CTNNA2: variants seen among roughly 807,000 people sequenced by gnomAD.
CTNNA2 encodes catenin alpha-2.
In CTNNA2, 42 loss-of-function variants were observed where a neutral mutation model predicts 101.0. The ratio of observed to expected loss-of-function variants is 0.42; its 90% confidence interval spans 0.32 to 0.54. CTNNA2 has a LOEUF of 0.54. Ranked by LOEUF, CTNNA2 falls within the 20% of genes least tolerant of loss-of-function variation. The probability of loss-of-function intolerance (pLI) is 0.14; values close to 1 mark genes in which losing one functional copy is unlikely to be tolerated. For synonymous variants in CTNNA2, 450 were observed against 456.4 expected (o/e 0.99, Z 0.18); for missense variants, 871 against 1,223.1 (o/e 0.71, Z 4.29).
chr2:79,969,037 G>C (rs60422287), intron 7 of CTNNA2, among the ~76,000 whole-genome samples: 1,608 of 152,222 alleles, frequency 0.011, 24 homozygotes, highest in African/African-American at 0.037. Flanking sequence ...AGGGTAAGCA[G>C]TTTGTCTGTG....
chr2:79,275,685 A>G (rs943920140), intron 2 of CTNNA2, among the ~76,000 whole-genome samples: 6 of 152,080 alleles, frequency 3.9e-5, no homozygotes, highest in African/African-American at 1.4e-4. Flanking sequence ...TCAAGGTTTC[A>G]TTTGTTGTTT....
rs192698550 is a variant in CTNNA2, at chr2:80,156,057, T to A, written c.1057-237154T>A. Among the ~76,000 whole-genome samples the A allele has an allele frequency of 1.4e-3, 215 of 152,280 alleles. 1 individual carries two copies. Among genetic ancestry groups the A allele is most frequent in the Non-Finnish European group, 2.7e-3 (181 of 68,024 alleles). On this transcript the variant is annotated intron_variant, in intron 7 of 18. Coordinates refer to ENST00000402739, the MANE Select transcript of CTNNA2 (RefSeq NM_001282597.3). ...GTAGGGTGAGACTGAGATTCTACAT[T>A]TCTAACAAGCTCCAAGGTGATGTGG...
chr2:79,745,140 T>A (rs1322499188), intron 3 of CTNNA2, among the ~76,000 whole-genome samples: 2 of 152,138 alleles, frequency 1.3e-5, no homozygotes, highest in East Asian at 3.9e-4. Flanking sequence ...AACATAAAGT[T>A]CTAACTACGG....
chr2:79,421,551 C>A (rs1450761844), intron 4 of CTNNA2, among the ~76,000 whole-genome samples: 1 of 152,100 alleles, frequency 6.6e-6, no homozygotes, highest in Non-Finnish European at 1.5e-5. Flanking sequence ...ATGGCTAATA[C>A]CTTGATGACC....
At chr2:80,063,756 G>A (rs1697774461) in intron 7 of CTNNA2, among the ~76,000 whole-genome samples, 1 of 152,194 alleles carries the variant, frequency 6.6e-6, no homozygotes, top group Non-Finnish European at 1.5e-5. Context: ...TTTTATTCTT[G>A]TTTCTCTTGA....
intron 1 of CTNNA2, among the ~76,000 whole-genome samples, chr2:79,531,363 A>C (rs1672733398): frequency 6.6e-6 from 1 of 151,842 alleles, no homozygotes; most frequent in Admixed American, 6.6e-5. Context: ...TCTTACTTTG[A>C]ATAACAGTGT....
At position 79,355,866 on chromosome 2, in the gene CTNNA2, C is replaced by A. The variant is rs544962716; in HGVS notation, c.-317-17965C>A. Among the ~76,000 whole-genome samples the A allele has an allele frequency of 7.9e-5, 12 of 152,122 alleles. No individual in the cohort carries two copies. In the South Asian group the frequency reaches 2.5e-3, roughly 32 times the overall value. ...TTGATGGACATTTGGGTAGTTTCCACCATTTGGCTATTGTCAGTAGTGCTG... is the reference window on the plus strand; with the variant it reads ...TTGATGGACATTTGGGTAGTTTCCAACATTTGGCTATTGTCAGTAGTGCTG... On this transcript the variant is annotated intron_variant, in intron 3 of 21. Coordinates refer to the CTNNA2 transcript ENST00000466387.
At chr2:80,482,379 GA>G (rs1236271621) in intron 9 of CTNNA2, among the ~76,000 whole-genome samples, 1 of 152,140 alleles carries the variant, frequency 6.6e-6, no homozygotes, top group African/African-American at 2.4e-5. Flanking sequence ...GCTGAAAAAG[GA>G]ATATTTAGAG....
intron 9 of CTNNA2, among the ~76,000 whole-genome samples, chr2:80,540,245 T>A (rs2149615566): frequency 6.6e-6 from 1 of 152,312 alleles, no homozygotes; most frequent in East Asian, 1.9e-4. Context: ...ACATTTACTT[T>A]ACCACAGTTT....
chr2:79,403,610 G>T (rs1166584845), intron 4 of CTNNA2, among the ~76,000 whole-genome samples: 2 of 151,816 alleles, frequency 1.3e-5, no homozygotes, highest in Admixed American at 6.6e-5. Flanking sequence ...CAAAATAAAC[G>T]TGAGTAAAAA....
At chr2:79,259,203 G>T (rs921077115) in intron 2 of CTNNA2, among the ~76,000 whole-genome samples, 29 of 152,076 alleles carry the variant, frequency 1.9e-4, no homozygotes, top group African/African-American at 5.8e-4. Context: ...ATCCCCATCT[G>T]GCTATATGCT....
chr2:80,331,944 G>T (rs1369813742), intron 7 of CTNNA2, among the ~76,000 whole-genome samples: 1 of 152,046 alleles, frequency 6.6e-6, no homozygotes, highest in African/African-American at 2.4e-5. Context: ...CTTTCATTTT[G>T]TAAGCTGTGC....
chr2:79,893,997 T>TTCTTCC (rs1684494649), intron 6 of CTNNA2, among the ~76,000 whole-genome samples: 2 of 50,506 alleles, frequency 4.0e-5, no homozygotes. Flanking sequence ...TGTTTTCTTC[T>TTCTTCC]TCTTCTTCTT....
At chr2:80,591,463 T>A (rs1478487333) in intron 15 of CTNNA2, among the ~76,000 whole-genome samples, 1 of 139,586 alleles carries the variant, frequency 7.2e-6, no homozygotes, top group Non-Finnish European at 1.5e-5. Context: ...GCCTGTTTTT[T>A]TTTTTTTTTT....
rs992616302 is a variant in CTNNA2, at chr2:80,163,339, T to G, written c.1057-229872T>G. On this transcript the variant is annotated intron_variant, in intron 7 of 18. Coordinates refer to ENST00000402739, the MANE Select transcript of CTNNA2 (RefSeq NM_001282597.3). ...AATGATATATTGCTGGGACAGGAGATTTCTCTTGAGATTTTCTCTTTGATC... is the reference window on the plus strand; with the variant it reads ...AATGATATATTGCTGGGACAGGAGAGTTCTCTTGAGATTTTCTCTTTGATC... Among the ~76,000 whole-genome samples, 11 of 152,306 alleles carry G rather than the reference T, an allele frequency of 7.2e-5. No individual in the cohort carries two copies. The East Asian group carries it at 1.2e-3, about 16-fold the overall frequency.
intron 17 of CTNNA2, among the ~76,000 whole-genome samples, chr2:80,612,504 C>T (rs1220396272): frequency 6.6e-6 from 1 of 151,378 alleles, no homozygotes; most frequent in Non-Finnish European, 1.5e-5. Flanking sequence ...TGGTCAGGAA[C>T]TGAACAAGAT....
At chr2:79,527,329 G>A (rs1672468630) in intron 1 of CTNNA2, among the ~76,000 whole-genome samples, 3 of 151,744 alleles carry the variant, frequency 2.0e-5, no homozygotes, top group East Asian at 1.9e-4. Flanking sequence ...CCTGCTAGAC[G>A]AGTTCTAATA....
At chr2:80,362,921 G>A (rs912948804) in intron 7 of CTNNA2, among the ~76,000 whole-genome samples, 2 of 151,016 alleles carry the variant, frequency 1.3e-5, no homozygotes, top group Non-Finnish European at 2.9e-5. Context: ...GGAGTTTGAG[G>A]CTTAGGTTTG....
At chr2:79,349,421 G>T (rs1436676032) in intron 3 of CTNNA2, among the ~76,000 whole-genome samples, 2 of 152,080 alleles carry the variant, frequency 1.3e-5, no homozygotes, top group African/African-American at 4.8e-5. Context: ...TCTAGGGTTA[G>T]GGCTAATAAA....
Sources: gnomAD v4.1 joint callset for allele counts (sites outside exome capture counted in the v4.1 genomes callset) on GRCh38, gnomAD v4.1.1 for gene constraint, MANE v1.5 for transcripts, NCBI Gene and HGNC (gene_info 2026-07-23, HGNC 2026-07-21) for gene names.